Variants in PRKN observed in about 807,000 individuals in gnomAD.
PRKN encodes the protein parkin RBR E3 ubiquitin protein ligase, also known as E3 ubiquitin-protein ligase parkin.
A neutral mutation model predicts 59.5 loss-of-function variants in PRKN; 56 were observed. That is an observed-to-expected ratio of 0.94 (90% confidence interval 0.76 to 1.18). The LOEUF is 1.18. Among genes scored for constraint, PRKN ranks in the 50% most tolerant of loss-of-function variants. The pLI is 0.00. For synonymous variants in PRKN, 250 were observed against 222.1 expected (o/e 1.13, Z -1.12); for missense variants, 657 against 596.4 (o/e 1.10, Z -1.06).
intron 7 of PRKN, among the ~76,000 whole-genome samples, chr6:161,784,040 T>C (rs111241031): frequency 0.01 from 1,595 of 152,316 alleles, 19 homozygotes; most frequent in Middle Eastern, 0.051. Context: ...AGGTATCCCA[T>C]AGTTTCAAAT....
chr6:161,959,607 A>G (rs1303031477), intron 6 of PRKN, among the ~76,000 whole-genome samples: 1 of 152,218 alleles, frequency 6.6e-6, no homozygotes, highest in East Asian at 1.9e-4. Context: ...ATATTAAAAT[A>G]TATTTGCTTG....
chr6:162,003,763 G>C (rs1323473733), intron 5 of PRKN, among the ~76,000 whole-genome samples: 1 of 152,104 alleles, frequency 6.6e-6, no homozygotes, highest in African/African-American at 2.4e-5. Flanking sequence ...TGGTGTACTT[G>C]TAAAGAATAT....
chr6:162,493,451 C>T (rs1792912555), intron 1 of PRKN, among the ~76,000 whole-genome samples: 1 of 152,158 alleles, frequency 6.6e-6, no homozygotes, highest in African/African-American at 2.4e-5. Context: ...ATCAGCAGTA[C>T]TTAATTCCAC....
At chr6:161,863,324 T>C (rs552143734) in intron 6 of PRKN, among the ~76,000 whole-genome samples, 66 of 127,894 alleles carry the variant, frequency 5.2e-4, no homozygotes, top group Non-Finnish European at 4.0e-4. Context: ...CTTGGATTTA[T>C]TAAAAAAAAA....
chr6:162,146,668 C>T (rs1393242904), intron 4 of PRKN, among the ~76,000 whole-genome samples: 7 of 151,958 alleles, frequency 4.6e-5, no homozygotes, highest in Non-Finnish European at 1.5e-5. Context: ...TCATGCCTGG[C>T]TAATTTTTGT....
chr6:162,305,137 G>A (rs983885877), intron 2 of PRKN, among the ~76,000 whole-genome samples: 2 of 152,030 alleles, frequency 1.3e-5, no homozygotes, highest in African/African-American at 2.4e-5. Flanking sequence ...GCAGAAGGAA[G>A]ACTTGAACTG....
intron 7 of PRKN, among the ~76,000 whole-genome samples, chr6:161,627,055 C>A (rs1281521877): frequency 6.6e-6 from 1 of 152,298 alleles, no homozygotes; most frequent in South Asian, 2.1e-4. Context: ...CCTGGCCTTC[C>A]AAGGTTTGCA....
At chr6:162,238,162 A>C (rs988349014) in intron 3 of PRKN, among the ~76,000 whole-genome samples, 1 of 152,198 alleles carries the variant, frequency 6.6e-6, no homozygotes, top group Non-Finnish European at 1.5e-5. Context: ...CATCTGCATC[A>C]ATCATGGCAT....
At chr6:161,748,487 G>C (rs1461858519) in intron 7 of PRKN, among the ~76,000 whole-genome samples, 1 of 152,014 alleles carries the variant, frequency 6.6e-6, no homozygotes, top group Non-Finnish European at 1.5e-5. Flanking sequence ...CCCGCGCTTT[G>C]ATTTTGGCTC....
intron 1 of PRKN, among the ~76,000 whole-genome samples, chr6:162,504,158 C>T (rs1793503853): frequency 6.6e-6 from 1 of 152,098 alleles, no homozygotes; most frequent in South Asian, 2.1e-4. Flanking sequence ...AAGGCCAACC[C>T]GGAGTGGTGA....
At chr6:161,777,641 T>TAGTTTGCTA (rs1789981978) in intron 7 of PRKN, among the ~76,000 whole-genome samples, 1 of 143,484 alleles carries the variant, frequency 7.0e-6, no homozygotes, top group African/African-American at 2.6e-5. Flanking sequence ...ACTCTACGGA[T>TAGTTTGCTA]ATTCTCATAT....
intron 3 of PRKN, among the ~76,000 whole-genome samples, chr6:162,204,714 G>T (rs9458483): frequency 0.25 from 36,417 of 148,150 alleles, 4,772 homozygotes; most frequent in South Asian, 0.44. Flanking sequence ...CAGAAGTTTT[G>T]TTTTTTTTTT....
chr6:161,515,705 ACT>A (rs1243887433), intron 9 of PRKN, among the ~76,000 whole-genome samples: 1 of 152,216 alleles, frequency 6.6e-6, no homozygotes, highest in East Asian at 1.9e-4. Flanking sequence ...ACTTCTACAC[ACT>A]TATCAACTAC....
chr6:162,312,097 C>T (rs572147121), intron 2 of PRKN, among the ~76,000 whole-genome samples: 94 of 152,126 alleles, frequency 6.2e-4, no homozygotes, highest in African/African-American at 1.7e-3. Flanking sequence ...AACTCATTGG[C>T]AGATAAAGAA....
intron 2 of PRKN, among the ~76,000 whole-genome samples, chr6:162,433,112 C>T (rs1789614656): frequency 1.3e-5 from 2 of 152,128 alleles, no homozygotes; most frequent in African/African-American, 4.8e-5. Context: ...ATTTACTGCG[C>T]ATTACAAATA....
chr6:162,226,290 A>G (rs990629673), intron 3 of PRKN, among the ~76,000 whole-genome samples: 30 of 152,094 alleles, frequency 2.0e-4, no homozygotes, highest in African/African-American at 6.7e-4. Context: ...AGAGAGAGAC[A>G]CGCAGGCACC....
At chr6:161,642,380 G>A (rs1350030822) in intron 7 of PRKN, among the ~76,000 whole-genome samples, 1 of 152,036 alleles carries the variant, frequency 6.6e-6, no homozygotes, top group African/African-American at 2.4e-5. Flanking sequence ...GCATTTCTTT[G>A]GTATGTGACA....
At chr6:162,383,849 T>C (rs141888643) in intron 2 of PRKN, among the ~76,000 whole-genome samples, 106 of 152,368 alleles carry the variant, frequency 7.0e-4, no homozygotes, top group African/African-American at 2.5e-3. Context: ...CTGCAGCTTC[T>C]ACATCAGCAC....
Position 161,531,104 on chromosome 6 carries a change from G to A in PRKN, c.1083+17750C>T, listed in dbSNP as rs931870020. Among the ~76,000 whole-genome samples the A allele has an allele frequency of 9.2e-5, 14 of 152,056 alleles. No individual in the cohort carries two copies. In the East Asian group the frequency reaches 1.4e-3, roughly 15 times the overall value. On this transcript the variant is annotated intron_variant, in intron 9 of 11. Transcript: ENST00000366898. ...GCCTTAATAATAATTGTGCAAGGCCGGGCGCGGTGGCTCACGCCTGTAATC... is the reference window on the plus strand; with the variant it reads ...GCCTTAATAATAATTGTGCAAGGCCAGGCGCGGTGGCTCACGCCTGTAATC...
Sources: allele counts gnomAD v4.1 joint callset (sites outside exome capture counted in the v4.1 genomes callset), GRCh38; gene constraint gnomAD v4.1.1; transcripts MANE v1.5; gene names NCBI Gene and HGNC (gene_info 2026-07-23, HGNC 2026-07-21).